ANKRD16: variants seen among roughly 807,000 people sequenced by gnomAD.
ANKRD16 encodes ankyrin repeat domain 16, also known as ankyrin repeat domain-containing protein 16.
In ANKRD16, 35 loss-of-function variants were observed where a neutral mutation model predicts 37.9. The observed-to-expected ratio is 0.92, with a 90% CI of 0.71 to 1.23. The LOEUF (loss-of-function observed/expected upper bound fraction) is 1.23, where lower values mean the gene tolerates loss of function less well. Among genes scored for constraint, ANKRD16 ranks in the 50% most tolerant of loss-of-function variants. The pLI is 0.00. For missense variants in ANKRD16, 480 were observed against 469.9 expected, an observed-to-expected ratio of 1.02 and a Z score of -0.20; for synonymous variants, 206 against 197.2, an observed-to-expected ratio of 1.04 and a Z score of -0.37.
In ANKRD16 at chr10:5,889,790, G is replaced by A. The variant is rs1462677421; in HGVS notation, c.-436C>T. 9 of 156,844 alleles carry A rather than the reference G, an allele frequency of 5.7e-5. No homozygotes were observed. The highest frequency in any genetic ancestry group is 1.1e-4 in the Non-Finnish European group (8 of 71,338). The allele number at this position is 156,844 out of a possible 1,614,324, so 9.7% of individuals were successfully genotyped here. ...ACACCGCAAAGCCCCAAAGTGGAGGGTCCGGGAGGGCGCGCACAGCCTCGC... is the reference window on the plus strand; with the variant it reads ...ACACCGCAAAGCCCCAAAGTGGAGGATCCGGGAGGGCGCGCACAGCCTCGC... On this transcript the variant is annotated 5_prime_UTR_variant, in exon 1 of 8. Transcript: ENST00000380094.
chr10:5,871,604 G>T lies in ANKRD16; in HGVS notation c.*33+6493C>A, dbSNP rs886774454. ...GAGGCGCCCACGTGGGCTCTGCCCTGAACTTTTCTTCCTTCTTGCCCTTCT... is the reference window on the plus strand; with the variant it reads ...GAGGCGCCCACGTGGGCTCTGCCCTTAACTTTTCTTCCTTCTTGCCCTTCT... On this transcript the variant is annotated intron_variant, in intron 7 of 7. Coordinates refer to ENST00000380094, the MANE Select transcript of ANKRD16 (RefSeq NM_019046.3). This position sits in a 1 kb window ranked among gnomAD's most constrained non-coding sequence, Gnocchi z 4.5. Among the ~76,000 whole-genome samples, 1 of 152,118 alleles carries T rather than the reference G, an allele frequency of 6.6e-6. No homozygotes were observed. The highest frequency in any genetic ancestry group is 6.5e-5 in the Admixed American group (1 of 15,272).
chr10:5,878,012 G>A lies in ANKRD16; in HGVS notation c.*33+85C>T. The stretch of plus-strand genomic sequence containing the variant: ...GAGTGGAACATGCAGGATGAGGGAA[G>A]GGAGGAAGTGGAGGAGATGGAAAAC... On this transcript the variant is annotated intron_variant, in intron 7 of 7. Transcript: ENST00000380094. The surrounding 1 kb of genome is among the most constrained non-coding windows in gnomAD (Gnocchi z 5.1). The A allele has an allele frequency of 7.2e-7, 1 of 1,394,396 alleles. No homozygotes were observed. Among genetic ancestry groups the A allele is most frequent in the Non-Finnish European group, 9.8e-7 (1 of 1,021,122 alleles). 86.4% of individuals were successfully genotyped at this position (1,394,396 alleles called of 1,614,324 possible). A position where few individuals can be genotyped will look rare whatever the true frequency, so the allele number is the denominator to read the frequency against.
At chr10:5,885,647 C>A in intron 3 of ANKRD16, 76 bp downstream of exon 3, 1 of 1,511,080 alleles carries the variant, frequency 6.6e-7, no homozygotes, top group Non-Finnish European at 9.1e-7. Flanking sequence ...TGTGTCTGAG[C>A]TCTTTATGTA....
At chr10:5,885,312 C>G (rs1842402097) in intron 3 of ANKRD16, among the ~76,000 whole-genome samples, 1 of 152,086 alleles carries the variant, frequency 6.6e-6, no homozygotes, top group Non-Finnish European at 1.5e-5. Flanking sequence ...TCCTGAGTAG[C>G]TGGGACTACA....
At position 5,865,422 on chromosome 10, in the gene ANKRD16, G is replaced by T. The variant is rs943355570; in HGVS notation, c.*34-2731C>A. 6.6e-6 allele frequency among the ~76,000 whole-genome samples: 1 copy of T among 152,166 alleles called. No homozygotes were observed. The highest frequency in any genetic ancestry group is 2.4e-5 in the African/African-American group (1 of 41,432). On this transcript the variant is annotated intron_variant, in intron 7 of 7. Coordinates refer to ENST00000380094, the MANE Select transcript of ANKRD16 (RefSeq NM_019046.3). The surrounding 1 kb of genome is among the most constrained non-coding windows in gnomAD (Gnocchi z 4.7). ...TGTCATCACCCTCACTGAGCCCCAG[G>T]TATGTTTAACTATTGAGGGCCAGGA...
rs1842015743 is a variant in ANKRD16 at position 5,866,484 on chromosome 10, C to A, written c.*34-3793G>T. ...GCAGAACTAGTGGCACTTACCCGAG[C>A]CTTAGAACTGGGAAAGGAAAGGAGA... On this transcript the variant is annotated intron_variant, in intron 7 of 7. Transcript: ENST00000380094. The surrounding 1 kb of genome is among the most constrained non-coding windows in gnomAD (Gnocchi z 4.3). Among the ~76,000 whole-genome samples, 1 of 152,288 alleles carries A rather than the reference C, an allele frequency of 6.6e-6. No individual in the cohort carries two copies.
chr10:5,880,891 A>G (rs1477688189), intron 5 of ANKRD16, among the ~76,000 whole-genome samples: 6 of 151,998 alleles, frequency 3.9e-5, no homozygotes, highest in African/African-American at 9.7e-5. Context: ...ACAGACTCTA[A>G]CATATATTAG....
At position 5,866,921 on chromosome 10, in the gene ANKRD16, A is replaced by G. The variant is rs937766828; in HGVS notation, c.*34-4230T>C. Among the ~76,000 whole-genome samples, 1 of 152,176 alleles carries G rather than the reference A, an allele frequency of 6.6e-6. No individual in the cohort carries two copies. The highest frequency in any genetic ancestry group is 2.4e-5 in the African/African-American group (1 of 41,438). ...AAAGAAGAGTCAGAGAGAGAGAAAC[A>G]GAAAGTCAAAGAAAGAGAGGGAGAG... is the stretch of plus-strand genomic sequence containing the variant. On this transcript the variant is annotated intron_variant, in intron 7 of 7. Coordinates refer to ENST00000380094, the MANE Select transcript of ANKRD16 (RefSeq NM_019046.3). The surrounding 1 kb of genome is among the most constrained non-coding windows in gnomAD (Gnocchi z 4.3).
At chr10:5,885,810 A>G (rs1368251149) in intron 2 of ANKRD16, 45 bp from the exon 3 acceptor site, 2 of 1,571,376 alleles carry the variant, frequency 1.3e-6, no homozygotes, top group East Asian at 2.3e-5. Context: ...TTTAGTGCAC[A>G]CACAAAATGC....
intron 2 of ANKRD16, among the ~76,000 whole-genome samples, chr10:5,886,565 T>G (rs2131780483): frequency 1.3e-5 from 2 of 151,104 alleles, no homozygotes; most frequent in South Asian, 4.2e-4. Flanking sequence ...TATTCCAGCC[T>G]GGGTGACAGA....
At chr10:5,873,243 G>C (rs1842132643) in intron 7 of ANKRD16, among the ~76,000 whole-genome samples, 1 of 151,920 alleles carries the variant, frequency 6.6e-6, no homozygotes. Context: ...TGTTAGCCAG[G>C]ATGGTCTCGA....
chr10:5,884,386 T>A (rs1421258668), intron 3 of ANKRD16, among the ~76,000 whole-genome samples: 1 of 152,180 alleles, frequency 6.6e-6, no homozygotes, highest in Non-Finnish European at 1.5e-5. Flanking sequence ...GCATCCTTCA[T>A]AATCAATTGA....
chr10:5,876,071 A>T (rs984128480), intron 7 of ANKRD16, among the ~76,000 whole-genome samples: 1 of 152,156 alleles, frequency 6.6e-6, no homozygotes, highest in Non-Finnish European at 1.5e-5. Context: ...TTTAGAAGAA[A>T]CTGGGTTTCA....
At chr10:5,882,803 TAAAG>T in intron 5 of ANKRD16, 199 bp downstream of exon 5, 1 of 503,808 alleles carries the variant, frequency 2.0e-6, no homozygotes, top group Middle Eastern at 5.5e-4. Context: ...GGCTTTTTTT[TAAAG>T]TTTTGTCTAG....
At chr10:5,875,539 G>A (rs1426360942) in intron 7 of ANKRD16, among the ~76,000 whole-genome samples, 2 of 152,182 alleles carry the variant, frequency 1.3e-5, no homozygotes, top group African/African-American at 2.4e-5. Context: ...GGCAGGCCTC[G>A]CTGAGAAGGT....
chr10:5,878,427 G>A lies in ANKRD16; in HGVS notation c.929-140C>T. ...CATCTTCACAACTTCACCTATACTA[G>A]ATCAAAATATTTTTGTTTCTAACCT... On this transcript the variant is annotated intron_variant, in intron 6 of 7. Transcript: ENST00000380094. The surrounding 1 kb of genome is among the most constrained non-coding windows in gnomAD (Gnocchi z 5.1). 1.4e-6 allele frequency: 1 copy of A among 719,858 alleles called. No homozygotes were observed. The highest frequency in any genetic ancestry group is 1.8e-5 in the African/African-American group (1 of 54,602). 44.6% of individuals were successfully genotyped at this position (719,858 alleles called of 1,614,324 possible). A position where few individuals can be genotyped will look rare whatever the true frequency, so the allele number is the denominator to read the frequency against.
rs779828349 is a variant in ANKRD16 at position 5,880,293 on chromosome 10, G to T, written c.928+5C>A. ...TTCCAAGGCATATATAAAATTAAAC[G>T]GTACCTGATCGATTTTTTTCATCTT... On this transcript the variant is annotated splice_donor_5th_base_variant and intron_variant, in intron 6 of 7. Transcript: ENST00000380094. 6.4e-7 allele frequency: 1 copy of T among 1,566,078 alleles called. No homozygotes were observed. Among genetic ancestry groups the T allele is most frequent in the Non-Finnish European group, 8.7e-7 (1 of 1,148,810 alleles).
chr10:5,881,034 A>C (rs1279723588), intron 5 of ANKRD16: 1 of 233,686 alleles, frequency 4.3e-6, no homozygotes, highest in Non-Finnish European at 7.0e-6. Context: ...TCTGGGCTCA[A>C]GGGATCCTCC....
intron 2 of ANKRD16, 129 bp from the exon 3 acceptor site, chr10:5,885,894 T>C (rs779756856): frequency 4.8e-5 from 40 of 829,276 alleles, no homozygotes; most frequent in Non-Finnish European, 6.9e-5. Flanking sequence ...TTAAATTGGG[T>C]ACACTGTTAC....
Sources: allele counts gnomAD v4.1 joint callset (sites outside exome capture counted in the v4.1 genomes callset), GRCh38; gene constraint gnomAD v4.1.1; non-coding constraint Gnocchi (gnomAD v3.1); transcripts MANE v1.5; gene names NCBI Gene and HGNC (gene_info 2026-07-23, HGNC 2026-07-21).